The following SLCO1B1 variants were observed in gnomAD, a reference collection of about 807,000 sequenced individuals.
SLCO1B1 encodes OATP-2.
In SLCO1B1, 81 loss-of-function variants were observed where a neutral mutation model predicts 70.1. The ratio of observed to expected loss-of-function variants is 1.16; its 90% CI spans 0.97 to 1.39. SLCO1B1 has a LOEUF of 1.39. Ranked by LOEUF, SLCO1B1 falls within the 40% of genes most tolerant of loss-of-function variation. The probability of loss-of-function intolerance (pLI) is 0.00; values close to 1 mark genes in which losing one functional copy is unlikely to be tolerated. For missense variants in SLCO1B1, 895 were observed against 799.6 expected (o/e 1.12, Z -1.44); for synonymous variants, 283 against 271.5 (o/e 1.04, Z -0.42).
intron 2 of SLCO1B1, among the ~76,000 whole-genome samples, chr12:21,149,254 T>C (rs950046405): frequency 4.6e-5 from 7 of 152,176 alleles, no homozygotes; most frequent in Admixed American, 6.5e-5. Context: ...GAACTTCCAA[T>C]ACTATGTTGA....
chr12:21,219,459 AG>A (rs1941397905), intron 12 of SLCO1B1, among the ~76,000 whole-genome samples: 3 of 152,214 alleles, frequency 2.0e-5, no homozygotes, highest in Admixed American at 6.5e-5. Flanking sequence ...GAGCTAGCCT[AG>A]TTCAGATCCT....
intron 1 of SLCO1B1, among the ~76,000 whole-genome samples, chr12:21,136,195 G>C: frequency 6.6e-6 from 1 of 152,190 alleles, no homozygotes; most frequent in Non-Finnish European, 1.5e-5. Flanking sequence ...TCTGCCGAGA[G>C]ATCAGCTGTT....
chr12:21,182,351 C>A (rs1940911602), intron 7 of SLCO1B1, among the ~76,000 whole-genome samples: 1 of 152,140 alleles, frequency 6.6e-6, no homozygotes, highest in African/African-American at 2.4e-5. Flanking sequence ...GAACTACAGC[C>A]AGCCTTGAAC....
chr12:21,226,332 T>C (rs1041842480), intron 14 of SLCO1B1, among the ~76,000 whole-genome samples: 1 of 151,996 alleles, frequency 6.6e-6, no homozygotes, highest in African/African-American at 2.4e-5. Flanking sequence ...AAGAATCCCT[T>C]GAACCCAGGA....
At chr12:21,136,716 C>T (rs1940228012) in intron 1 of SLCO1B1, among the ~76,000 whole-genome samples, 1 of 152,134 alleles carries the variant, frequency 6.6e-6, no homozygotes, top group Non-Finnish European at 1.5e-5. Context: ...ATTGGTTATT[C>T]TAGTTATCCA....
At position 21,141,510 on chromosome 12, in the gene SLCO1B1, A is replaced by T; in HGVS notation, c.-61-4A>T. On this transcript the variant is annotated splice_polypyrimidine_tract_variant and splice_region_variant and intron_variant, in intron 1 of 14. Transcript: ENST00000256958. Reference sequence around the variant, plus strand: ...AATAAACTATACTTTTTCTTCCTTAATAGGTGATTGTTTCAAACTGAGCAT... The same window carrying T: ...AATAAACTATACTTTTTCTTCCTTATTAGGTGATTGTTTCAAACTGAGCAT... 1.1e-6 allele frequency: 1 copy of T among 919,692 alleles called. No homozygotes were observed. The highest frequency in any genetic ancestry group is 1.8e-6 in the Non-Finnish European group (1 of 554,802). 57.0% of individuals were successfully genotyped at this position (919,692 alleles called of 1,614,324 possible). A position where few individuals can be genotyped will look rare whatever the true frequency, so the allele number is the denominator to read the frequency against.
At chr12:21,139,193 T>A (rs187361953) in intron 1 of SLCO1B1, among the ~76,000 whole-genome samples, 1,780 of 151,978 alleles carry the variant, frequency 0.012, 34 homozygotes, top group African/African-American at 0.033. Context: ...TATAATTTTT[T>A]TAAAAAAAGA....
intron 1 of SLCO1B1, among the ~76,000 whole-genome samples, chr12:21,134,850 G>T (rs1445623441): frequency 9.9e-5 from 15 of 152,004 alleles, no homozygotes; most frequent in South Asian, 4.2e-4. Context: ...CTGCTCTGAT[G>T]GTAGTTATTT....
chr12:21,172,890 C>T, intron 3 of SLCO1B1, 99 bp downstream of exon 3: 1 of 1,165,846 alleles, frequency 8.6e-7, no homozygotes, highest in Non-Finnish European at 1.2e-6. Context: ...TTATCTCTCA[C>T]AGGCAATTTG....
At chr12:21,183,485 T>G (rs183300416) in intron 7 of SLCO1B1, among the ~76,000 whole-genome samples, 11 of 152,332 alleles carry the variant, frequency 7.2e-5, no homozygotes, top group African/African-American at 2.6e-4. Flanking sequence ...CTTGAGCCAC[T>G]GTGCCTGACT....
intron 2 of SLCO1B1, among the ~76,000 whole-genome samples, chr12:21,159,634 C>T (rs1262719552): frequency 2.0e-5 from 3 of 151,932 alleles, no homozygotes; most frequent in Admixed American, 6.6e-5. Flanking sequence ...TGTGAGTTTA[C>T]CAAGATAATG....
chr12:21,184,366 G>A (rs762356411), intron 7 of SLCO1B1, among the ~76,000 whole-genome samples: 5 of 152,266 alleles, frequency 3.3e-5, no homozygotes, highest in East Asian at 1.9e-4. Context: ...CAGCTAGAGA[G>A]ATGGATCAAG....
intron 9 of SLCO1B1, 103 bp downstream of exon 9, chr12:21,200,775 A>G (rs1451375879): frequency 3.2e-6 from 3 of 945,722 alleles, no homozygotes; most frequent in Non-Finnish European, 4.7e-6. Flanking sequence ...TTTTAGTAAT[A>G]CAGGATAAGT....
At chr12:21,136,162 A>T (rs1366703790) in intron 1 of SLCO1B1, among the ~76,000 whole-genome samples, 3 of 152,010 alleles carry the variant, frequency 2.0e-5, no homozygotes, top group African/African-American at 7.3e-5. Flanking sequence ...ATTGGTCCCC[A>T]CTCTCTTCTG....
In SLCO1B1 at chr12:21,174,718, T is replaced by TAAA. The variant is rs4149095; in HGVS notation, c.359+21_359+23dup. On this transcript the variant is annotated intron_variant, in intron 4 of 14. Transcript: ENST00000256958. ...CATTTCTTCATGGGATAGTAAGTGT[T>TAAA]AAAAAAAAAAAAAACCTCTGTGCCA... 3.3e-3 allele frequency: 4,841 copies of TAAA among 1,465,652 alleles called. 19 individuals are homozygous for TAAA. Among genetic ancestry groups the TAAA allele is most frequent in the African/African-American group, 0.025 (1,717 of 67,872 alleles). 90.8% of individuals were successfully genotyped at this position (1,465,652 alleles called of 1,614,324 possible). A position where few individuals can be genotyped will look rare whatever the true frequency, so the allele number is the denominator to read the frequency against.
At chr12:21,169,862 G>A (rs565241065) in intron 2 of SLCO1B1, among the ~76,000 whole-genome samples, 1 of 152,232 alleles carries the variant, frequency 6.6e-6, no homozygotes, top group Non-Finnish European at 1.5e-5. Context: ...TTTGTGAGAT[G>A]ATTTTCCATA....
At chr12:21,183,988 A>G (rs1940934536) in intron 7 of SLCO1B1, among the ~76,000 whole-genome samples, 1 of 152,098 alleles carries the variant, frequency 6.6e-6, no homozygotes, top group Non-Finnish European at 1.5e-5. Flanking sequence ...AAAGAGAGAA[A>G]AGAATCTCAG....
chr12:21,139,602 C>A (rs892855241), intron 1 of SLCO1B1, among the ~76,000 whole-genome samples: 1 of 151,954 alleles, frequency 6.6e-6, no homozygotes, highest in African/African-American at 2.4e-5. Flanking sequence ...AATATAGAGT[C>A]GAGTCTCATT....
intron 2 of SLCO1B1, among the ~76,000 whole-genome samples, chr12:21,170,203 A>T (rs537995016): frequency 1.3e-5 from 2 of 152,276 alleles, no homozygotes; most frequent in East Asian, 1.9e-4. Context: ...TAAAAGTCAA[A>T]ATATTGAACA....
Sources: gnomAD v4.1 joint callset for allele counts (sites outside exome capture counted in the v4.1 genomes callset) on GRCh38, gnomAD v4.1.1 for gene constraint, MANE v1.5 for transcripts, NCBI Gene and HGNC (gene_info 2026-07-23, HGNC 2026-07-21) for gene names.